SPATA17: variants seen among roughly 807,000 people sequenced by gnomAD.
The protein encoded by SPATA17 is spermatogenesis associated 17, also known as spermatogenesis-associated protein 17.
Under a neutral mutation model 62.2 loss-of-function variants are expected in SPATA17, and 53 were observed. That is an observed-to-expected ratio of 0.85 (90% CI 0.68 to 1.07). The LOEUF is 1.07. Among genes scored for constraint, SPATA17 ranks in the 50% least tolerant of loss-of-function variants. SPATA17 has a pLI of 0.00. For synonymous variants in SPATA17, 146 were observed against 146.8 expected (o/e 0.99, Z 0.04); for missense variants, 466 against 425.5 (o/e 1.10, Z -0.84).
chr1:217,646,621 G>A (rs113680093), intron 1 of SPATA17, among the ~76,000 whole-genome samples: 6,960 of 152,138 alleles, frequency 0.046, 214 homozygotes, highest in Middle Eastern at 0.095. Context: ...TCTGAGCTGA[G>A]CACGGTGGCT....
At chr1:217,656,032 A>C in intron 3 of SPATA17, among the ~76,000 whole-genome samples, 1 of 150,210 alleles carries the variant, frequency 6.7e-6, no homozygotes. Context: ...TGCCTCCCCC[A>C]CCCCCCACGC....
At chr1:217,756,355 A>G (rs1673041991) in intron 6 of SPATA17, among the ~76,000 whole-genome samples, 1 of 152,054 alleles carries the variant, frequency 6.6e-6, no homozygotes, top group Admixed American at 6.6e-5. Flanking sequence ...TTATATACCA[A>G]GAAAAGGCAA....
intron 9 of SPATA17, among the ~76,000 whole-genome samples, chr1:217,851,099 T>C (rs1675655275): frequency 6.6e-6 from 1 of 152,168 alleles, no homozygotes; most frequent in Non-Finnish European, 1.5e-5. Flanking sequence ...CTTTGGTGGT[T>C]TGACATTTTT....
intron 9 of SPATA17, among the ~76,000 whole-genome samples, chr1:217,816,691 A>G (rs1674725165): frequency 6.6e-6 from 1 of 152,080 alleles, no homozygotes; most frequent in South Asian, 2.1e-4. Flanking sequence ...TGAAATATTA[A>G]GAAGTTACTA....
intron 9 of SPATA17, among the ~76,000 whole-genome samples, chr1:217,827,065 C>G (rs1675016461): frequency 1.3e-5 from 2 of 151,904 alleles, no homozygotes; most frequent in Non-Finnish European, 2.9e-5. Context: ...CTCTAATGCT[C>G]TCTGTATCTC....
intron 3 of SPATA17, 75 bp downstream of exon 3, chr1:217,651,253 C>G: frequency 8.1e-7 from 1 of 1,237,436 alleles, no homozygotes; most frequent in South Asian, 1.6e-5. Context: ...AGTCATATTT[C>G]CATATAGTTT....
chr1:217,701,561 A>T, intron 5 of SPATA17, among the ~76,000 whole-genome samples: 1 of 150,514 alleles, frequency 6.6e-6, no homozygotes, highest in East Asian at 2.0e-4. Flanking sequence ...AATTTTTTGT[A>T]TTTTTAGTAG....
At chr1:217,718,836 G>A (rs975825040) in intron 5 of SPATA17, among the ~76,000 whole-genome samples, 1 of 152,018 alleles carries the variant, frequency 6.6e-6, no homozygotes, top group Admixed American at 6.6e-5. Flanking sequence ...TGCAAGTACT[G>A]GCTGCCAAAC....
chr1:217,783,895 T>C (rs534376411), intron 8 of SPATA17, among the ~76,000 whole-genome samples: 30 of 152,286 alleles, frequency 2.0e-4, no homozygotes, highest in African/African-American at 7.0e-4. Context: ...ACAGTGTTGC[T>C]GATGACCCTT....
At chr1:217,844,763 G>A (rs909874703) in intron 9 of SPATA17, among the ~76,000 whole-genome samples, 1 of 152,008 alleles carries the variant, frequency 6.6e-6, no homozygotes, top group African/African-American at 2.4e-5. Flanking sequence ...TCATATGTAA[G>A]TGACAACTAG....
At position 217,811,444 on chromosome 1, in the gene SPATA17, CT is replaced by C. The variant is rs557531953; in HGVS notation, c.1005+9602del. Among the ~76,000 whole-genome samples the C allele has an allele frequency of 7.2e-3, 1,102 of 152,136 alleles. 8 individuals are homozygous for C. The highest frequency in any genetic ancestry group is 0.025 in the African/African-American group (1,046 of 41,518). On this transcript the variant is annotated intron_variant, in intron 9 of 10. Coordinates refer to ENST00000366933, the MANE Select transcript of SPATA17 (RefSeq NM_138796.4). ...TCTCCCTCCTTCCTTACCTTCCTTT[CT>C]TTTTTTTCTTCCTCCTCTCCTCCCT...
intron 6 of SPATA17, among the ~76,000 whole-genome samples, chr1:217,745,522 G>A (rs1337819306): frequency 6.6e-6 from 1 of 152,078 alleles, no homozygotes; most frequent in East Asian, 1.9e-4. Context: ...ATATTAAAAA[G>A]TTGAATTTTA....
chr1:217,801,620 C>A (rs994618995), intron 8 of SPATA17, 98 bp from the exon 9 acceptor site: 2 of 917,158 alleles, frequency 2.2e-6, no homozygotes, highest in African/African-American at 1.7e-5. Flanking sequence ...AATCTTGTAT[C>A]ATTTTCACTG....
chr1:217,790,586 G>A (rs1673973222), intron 8 of SPATA17, among the ~76,000 whole-genome samples: 2 of 152,130 alleles, frequency 1.3e-5, no homozygotes, highest in African/African-American at 2.4e-5. Flanking sequence ...GACTACAGGC[G>A]TCCGCCACCG....
intron 6 of SPATA17, among the ~76,000 whole-genome samples, chr1:217,747,147 T>C (rs1349979086): frequency 6.6e-6 from 1 of 152,086 alleles, no homozygotes; most frequent in Non-Finnish European, 1.5e-5. Flanking sequence ...AAAATGCAAA[T>C]ATTGCTTCCA....
chr1:217,748,492 C>T (rs900193031), intron 6 of SPATA17, among the ~76,000 whole-genome samples: 1 of 151,830 alleles, frequency 6.6e-6, no homozygotes, highest in Non-Finnish European at 1.5e-5. Context: ...GCCTGTAACC[C>T]AGCACTTGGG....
intron 5 of SPATA17, among the ~76,000 whole-genome samples, chr1:217,719,858 T>C (rs528085111): frequency 3.8e-4 from 58 of 152,176 alleles, no homozygotes; most frequent in Middle Eastern, 3.4e-3. Flanking sequence ...GCCTGCTGGA[T>C]TGTGGGGTTC....
chr1:217,753,053 C>T (rs1048260603), intron 6 of SPATA17, among the ~76,000 whole-genome samples: 1 of 152,142 alleles, frequency 6.6e-6, no homozygotes, highest in Non-Finnish European at 1.5e-5. Context: ...CTCATACCAC[C>T]CAACCCACGG....
At chr1:217,695,138 C>T (rs1289631303) in intron 5 of SPATA17, among the ~76,000 whole-genome samples, 7 of 85,224 alleles carry the variant, frequency 8.2e-5, no homozygotes, top group African/African-American at 1.9e-4. Context: ...ACCAATCAGA[C>T]GTAGATTTGG....
Sources: allele counts gnomAD v4.1 joint callset (sites outside exome capture counted in the v4.1 genomes callset), GRCh38; gene constraint gnomAD v4.1.1; transcripts MANE v1.5; gene names NCBI Gene and HGNC (gene_info 2026-07-23, HGNC 2026-07-21).